The following ADAMTSL1 variants were observed in gnomAD, a reference collection of about 807,000 sequenced individuals.
ADAMTSL1 encodes ADAMTS-like protein 1.
In ADAMTSL1, 126 loss-of-function variants were observed where a neutral mutation model predicts 201.8. The observed-to-expected ratio is 0.62, with a 90% CI of 0.54 to 0.72. ADAMTSL1 has a LOEUF of 0.72. Ranked by LOEUF, ADAMTSL1 falls within the 30% of genes least tolerant of loss-of-function variation. The probability of loss-of-function intolerance (pLI) is 0.00; values close to 1 mark genes in which losing one functional copy is unlikely to be tolerated. For missense variants in ADAMTSL1, 2,679 were observed against 2,277.8 expected, an observed-to-expected ratio of 1.18 and a Z score of -3.59; for synonymous variants, 1,121 against 903.4, an observed-to-expected ratio of 1.24 and a Z score of -4.32.
chr9:18,738,910 C>T (rs1991881), intron 15 of ADAMTSL1, among the ~76,000 whole-genome samples: 1 of 151,882 alleles, frequency 6.6e-6, no homozygotes, highest in African/African-American at 2.4e-5. Flanking sequence ...ATGATGGCAG[C>T]TACCGCATGG....
rs1587194930 is a variant in ADAMTSL1 at position 18,433,595 on chromosome 9, C to G, written c.208-71234C>G. Among the ~76,000 whole-genome samples, 3 of 152,158 alleles carry G rather than the reference C, an allele frequency of 2.0e-5. No individual in the cohort carries two copies. The South Asian group carries it at 6.2e-4, about 32-fold the overall frequency. ...ATATACCTGAGCTCAAACTGGGCAA[C>G]TACTCAGAAAGGTCGAATTCAAGGC... On this transcript the variant is annotated intron_variant, in intron 2 of 29. Coordinates refer to the ADAMTSL1 transcript ENST00000680146.
intron 2 of ADAMTSL1, among the ~76,000 whole-genome samples, chr9:18,306,258 G>A (rs1465063200): frequency 6.6e-6 from 1 of 152,182 alleles, no homozygotes; most frequent in East Asian, 1.9e-4. Context: ...AAAAGGCTGA[G>A]TATTCCAAAA....
At chr9:18,436,482 TC>T (rs1330917917) in intron 2 of ADAMTSL1, among the ~76,000 whole-genome samples, 1 of 152,188 alleles carries the variant, frequency 6.6e-6, no homozygotes, top group Non-Finnish European at 1.5e-5. Context: ...TCTGTATCCT[TC>T]TTTACCTTGC....
chr9:18,788,368 G>A (rs1335904590), intron 19 of ADAMTSL1, among the ~76,000 whole-genome samples: 1 of 151,780 alleles, frequency 6.6e-6, no homozygotes. Flanking sequence ...AAACCTTGAC[G>A]TTAATTACCC....
intron 2 of ADAMTSL1, among the ~76,000 whole-genome samples, chr9:18,233,082 G>C (rs1381890407): frequency 6.6e-6 from 1 of 152,142 alleles, no homozygotes; most frequent in Middle Eastern, 3.2e-3. Flanking sequence ...GCTTGTCAAT[G>C]CTGAAGCTAA....
At chr9:17,935,778 T>C (rs1046894437) in intron 1 of ADAMTSL1, among the ~76,000 whole-genome samples, 4 of 152,202 alleles carry the variant, frequency 2.6e-5, no homozygotes, top group Non-Finnish European at 4.4e-5. Flanking sequence ...GCCTGGATTA[T>C]TAGAAAAGTG....
intron 2 of ADAMTSL1, among the ~76,000 whole-genome samples, chr9:18,283,451 TAA>T (rs1832869290): frequency 6.6e-6 from 1 of 151,450 alleles, no homozygotes; most frequent in South Asian, 2.1e-4. Flanking sequence ...TAGAAAATTT[TAA>T]AAGTTAACTG....
intron 1 of ADAMTSL1, among the ~76,000 whole-genome samples, chr9:17,907,223 G>C (rs1825752118): frequency 6.6e-6 from 1 of 152,136 alleles, no homozygotes; most frequent in Non-Finnish European, 1.5e-5. Context: ...GGCGGCGCCT[G>C]AGCTGGGGAG....
rs184446445 is a variant in ADAMTSL1 at position 18,145,018 on chromosome 9, G to A, written c.88-18844G>A. ...TGTCCAAACAGAGATTGTGGGAGCT[G>A]CTGTGAGAGCTGGAGTGAGGAGATG... On this transcript the variant is annotated intron_variant, in intron 1 of 29. Coordinates refer to the ADAMTSL1 transcript ENST00000680146. Among the ~76,000 whole-genome samples, 52 of 152,320 alleles carry A rather than the reference G, an allele frequency of 3.4e-4. No homozygotes were observed. In the East Asian group the frequency reaches 7.3e-3, roughly 21 times the overall value.
At chr9:17,919,281 T>G (rs539149171) in intron 1 of ADAMTSL1, among the ~76,000 whole-genome samples, 27 of 152,034 alleles carry the variant, frequency 1.8e-4, no homozygotes, top group African/African-American at 6.0e-4. Flanking sequence ...AAAAGCTTTA[T>G]TGAGATATAA....
At chr9:18,598,850 A>G (rs1225769194) in intron 4 of ADAMTSL1, among the ~76,000 whole-genome samples, 2 of 152,084 alleles carry the variant, frequency 1.3e-5, no homozygotes, top group African/African-American at 2.4e-5. Flanking sequence ...GATTTAAGTA[A>G]CAGATATTTC....
At chr9:18,366,398 C>G (rs2133103874) in intron 2 of ADAMTSL1, among the ~76,000 whole-genome samples, 1 of 152,046 alleles carries the variant, frequency 6.6e-6, no homozygotes, top group Admixed American at 6.5e-5. Context: ...GTTCCCCTTT[C>G]TTTCATTTGT....
intron 1 of ADAMTSL1, among the ~76,000 whole-genome samples, chr9:18,480,677 A>C (rs1821680012): frequency 6.6e-6 from 1 of 152,236 alleles, no homozygotes; most frequent in South Asian, 2.1e-4. Context: ...CTCATAAGTA[A>C]GTACTAATAC....
chr9:18,274,964 T>C (rs1832529512), intron 2 of ADAMTSL1, among the ~76,000 whole-genome samples: 1 of 152,216 alleles, frequency 6.6e-6, no homozygotes, highest in Non-Finnish European at 1.5e-5. Context: ...TCTTCATCAT[T>C]GTCTTCTTTT....
chr9:17,919,238 T>A (rs988031304), intron 1 of ADAMTSL1, among the ~76,000 whole-genome samples: 2 of 151,874 alleles, frequency 1.3e-5, no homozygotes, highest in African/African-American at 4.8e-5. Context: ...ATTATTATTA[T>A]TTTTTCTAGT....
chr9:18,679,612 A>G (rs1202543558), intron 10 of ADAMTSL1, among the ~76,000 whole-genome samples: 1 of 152,194 alleles, frequency 6.6e-6, no homozygotes, highest in African/African-American at 2.4e-5. Context: ...AAACCTCTTC[A>G]CAGTTCCAAG....
intron 2 of ADAMTSL1, among the ~76,000 whole-genome samples, chr9:18,407,813 AT>A (rs1818268954): frequency 6.6e-6 from 1 of 152,174 alleles, no homozygotes; most frequent in Admixed American, 6.5e-5. Context: ...AAGCTGAGAT[AT>A]TGTCAGAGAA....
At chr9:18,233,816 G>T (rs1303475558) in intron 2 of ADAMTSL1, among the ~76,000 whole-genome samples, 9 of 152,150 alleles carry the variant, frequency 5.9e-5, no homozygotes, top group Non-Finnish European at 2.9e-5. Flanking sequence ...CTGGGTTTGG[G>T]GTTTAGAAAG....
At position 18,622,323 on chromosome 9, in the gene ADAMTSL1, C is replaced by T. The variant is rs775510959; in HGVS notation, c.555C>T (p.Cys185=). The T allele has an allele frequency of 6.2e-7, 1 of 1,614,048 alleles. No individual in the cohort carries two copies. The highest frequency in any genetic ancestry group is 1.7e-5 in the Admixed American group (1 of 60,014). ...TCTGCAACGGAGATGGGTCCACCTG[C>T]CGGCTGGTCCGAGGGCAGTATAAAT... The part of the protein sequence containing the change: ...CGVCNGDGST[C]RLVRGQYKSQ... Residue 185 remains cysteine (C), a synonymous_variant, in exon 5 of 29, where the codon TGC becomes TGT. Coordinates refer to ENST00000380548, the MANE Select transcript of ADAMTSL1 (RefSeq NM_001040272.6).
Sources: gnomAD v4.1 joint callset for allele counts (sites outside exome capture counted in the v4.1 genomes callset) on GRCh38, gnomAD v4.1.1 for gene constraint, MANE v1.5 for transcripts, NCBI Gene and HGNC (gene_info 2026-07-23, HGNC 2026-07-21) for gene names.